The following GRIA3 variants were observed in gnomAD, a reference collection of about 807,000 sequenced individuals.
The protein encoded by GRIA3 is glutamate ionotropic receptor AMPA type subunit 3.
In GRIA3, 3 loss-of-function variants were observed where a neutral mutation model predicts 63.0. That is an observed-to-expected ratio of 0.05 (90% confidence interval 0.02 to 0.12). The LOEUF (loss-of-function observed/expected upper bound fraction) is 0.12. GRIA3 is among the 10% of genes least tolerant of loss of function. The pLI, the probability that GRIA3 is intolerant of heterozygous loss-of-function variation, is 1.00. For synonymous variants in GRIA3, 274 were observed against 257.9 expected, an observed-to-expected ratio of 1.06 and a Z score of -0.60; for missense variants, 347 against 700.9, an observed-to-expected ratio of 0.50 and a Z score of 5.70.
chrX:123,346,619 G>A (rs183031981), intron 4 of GRIA3, among the ~76,000 whole-genome samples: 4 of 112,514 alleles, frequency 3.6e-5, no homozygotes, highest in Non-Finnish European at 5.6e-5. Flanking sequence ...TGGAGACAAA[G>A]TACTTTCTAT....
intron 2 of GRIA3, among the ~76,000 whole-genome samples, chrX:123,232,854 C>T (rs1406425100): frequency 9.0e-6 from 1 of 110,950 alleles, no homozygotes; most frequent in East Asian, 2.8e-4. Context: ...AGTCCTTTGG[C>T]ATGGGTTCTA....
chrX:123,253,282 T>C, intron 2 of GRIA3, 21 bp from the exon 3 acceptor site: 1 of 1,207,810 alleles, frequency 8.3e-7, no homozygotes, highest in Non-Finnish European at 1.1e-6. Context: ...ATTGAATCTT[T>C]TTCTCTTTTT....
chrX:123,487,516 T>C (rs2045948429), intron 15 of GRIA3, among the ~76,000 whole-genome samples: 1 of 111,209 alleles, frequency 9.0e-6, no homozygotes, highest in Admixed American at 9.5e-5. Flanking sequence ...TTATGTTAAG[T>C]ATGAAAAAAA....
At chrX:123,389,328 A>G (rs887861956) in intron 5 of GRIA3, among the ~76,000 whole-genome samples, 2 of 111,787 alleles carry the variant, frequency 1.8e-5, no homozygotes, top group African/African-American at 6.5e-5. Context: ...TCAAGTTCTC[A>G]CCTATTTTCG....
At chrX:123,325,644 C>A (rs960430080) in intron 3 of GRIA3, among the ~76,000 whole-genome samples, 1 of 111,767 alleles carries the variant, frequency 8.9e-6, no homozygotes, top group African/African-American at 3.3e-5. Flanking sequence ...TAATTTGCCA[C>A]AATGCTTATA....
At chrX:123,318,091 G>A (rs1430353685) in intron 3 of GRIA3, among the ~76,000 whole-genome samples, 1 of 112,641 alleles carries the variant, frequency 8.9e-6, no homozygotes, top group Non-Finnish European at 1.9e-5. Flanking sequence ...TGAGCTCTAC[G>A]TTGGCCCCTT....
At chrX:123,227,797 A>G (rs1467890622) in intron 2 of GRIA3, among the ~76,000 whole-genome samples, 1 of 112,122 alleles carries the variant, frequency 8.9e-6, no homozygotes, top group Non-Finnish European at 1.9e-5. Context: ...AAGTATTGAG[A>G]TGTGTAGTTT....
chrX:123,411,887 C>T (rs761951813), intron 10 of GRIA3, among the ~76,000 whole-genome samples: 30 of 111,009 alleles, frequency 2.7e-4, no homozygotes, highest in Admixed American at 2.4e-3. Context: ...TTGCCTACTG[C>T]TATTACCAGT....
chrX:123,384,026 A>G (rs1313007573), intron 5 of GRIA3, among the ~76,000 whole-genome samples: 1 of 112,090 alleles, frequency 8.9e-6, no homozygotes, highest in Non-Finnish European at 1.9e-5. Context: ...ATATTCCTGC[A>G]AAAGACATAA....
rs113586430 is a variant in GRIA3 at position 123,242,046 on chromosome X, G to A, written c.269-11257G>A. ...AGGGGATTGTTGCATTTTTTAGGAAGATGGAGGAGGTGACTGAGGCCATTA... is the reference window on the plus strand; with the variant it reads ...AGGGGATTGTTGCATTTTTTAGGAAAATGGAGGAGGTGACTGAGGCCATTA... On this transcript the variant is annotated intron_variant, in intron 2 of 15. Coordinates refer to ENST00000620443, the MANE Select transcript of GRIA3 (RefSeq NM_007325.5). 7.5e-3 allele frequency among the ~76,000 whole-genome samples: 831 copies of A among 111,285 alleles called. 6 individuals are homozygous for A. Among genetic ancestry groups the A allele is most frequent in the Middle Eastern group, 9.2e-3 (2 of 217 alleles).
intron 13 of GRIA3, among the ~76,000 whole-genome samples, chrX:123,476,055 T>C (rs1299277470): frequency 9.0e-6 from 1 of 111,481 alleles, no homozygotes; most frequent in African/African-American, 3.3e-5. Flanking sequence ...ATTATAATCA[T>C]AATAATAAGT....
At chrX:123,204,257 C>T (rs1324034706) in intron 2 of GRIA3, 1 of 512,356 alleles carries the variant, frequency 2.0e-6, no homozygotes, top group Non-Finnish European at 3.5e-6. Context: ...TAGATGAGTG[C>T]TACTTTGACC....
chrX:123,220,437 T>C (rs1928261907), intron 2 of GRIA3, among the ~76,000 whole-genome samples: 1 of 112,352 alleles, frequency 8.9e-6, no homozygotes, highest in African/African-American at 3.2e-5. Context: ...TCAGCAGTCC[T>C]GGAGACACAA....
rs768229296 is a variant in GRIA3, at chrX:123,398,721, G to A, written c.998G>A (p.Arg333Gln). 2.5e-6 allele frequency: 3 copies of A among 1,205,023 alleles called. No homozygotes were observed. The highest frequency in any genetic ancestry group is 1.8e-5 in the South Asian group (1 of 56,546). Residue 333 changes from arginine to glutamine, a missense_variant, in exon 7 of 16, where the codon CGG (arginine) becomes CAG (glutamine). Around this residue, in one of 8 missense-constraint regions of GRIA3, gnomAD observed 65 missense variants for 145.8 expected, o/e 0.45. Transcript: ENST00000620443. ...YLRRQRVDVS[R>Q]RGSAGDCLAN... The stretch of plus-strand genomic sequence containing the variant: ...AGGAGGCAGCGAGTAGATGTGTCCC[G>A]GAGAGGAAGTGCTGGAGACTGCTTA...
chrX:123,250,278 C>T (rs929053762), intron 2 of GRIA3, among the ~76,000 whole-genome samples: 3 of 110,851 alleles, frequency 2.7e-5, no homozygotes, highest in Non-Finnish European at 5.7e-5. Flanking sequence ...TAAATGAATG[C>T]AATAAATAAA....
intron 11 of GRIA3, among the ~76,000 whole-genome samples, chrX:123,426,254 G>T (rs1204779827): frequency 8.9e-6 from 1 of 111,844 alleles, no homozygotes; most frequent in African/African-American, 3.2e-5. Flanking sequence ...TTTCATTTCT[G>T]CAGACAGAGC....
At chrX:123,266,275 T>A (rs1344819441) in intron 3 of GRIA3, among the ~76,000 whole-genome samples, 9 of 111,859 alleles carry the variant, frequency 8.0e-5, no homozygotes, top group African/African-American at 2.6e-4. Context: ...GATCCATAGT[T>A]TGGTTTCCCT....
At chrX:123,269,952 T>A (rs1020604319) in intron 3 of GRIA3, among the ~76,000 whole-genome samples, 4 of 112,560 alleles carry the variant, frequency 3.6e-5, no homozygotes, top group Non-Finnish European at 5.6e-5. Context: ...ACAGACTTCT[T>A]TGGAAATTCT....
At chrX:123,217,522 T>C (rs1048786874) in intron 2 of GRIA3, among the ~76,000 whole-genome samples, 5 of 111,808 alleles carry the variant, frequency 4.5e-5, no homozygotes, top group African/African-American at 1.6e-4. Context: ...AGGTTACCCC[T>C]TTCCCCAACA....
Sources: allele counts gnomAD v4.1 joint callset (sites outside exome capture counted in the v4.1 genomes callset), GRCh38; gene constraint gnomAD v4.1.1; regional missense constraint gnomAD v4.1.1; transcripts MANE v1.5; gene names NCBI Gene and HGNC (gene_info 2026-07-23, HGNC 2026-07-21).